SMAD2: variants seen among roughly 807,000 people sequenced by gnomAD.
SMAD2 encodes SMAD family member 2.
Under a neutral mutation model 64.4 loss-of-function variants are expected in SMAD2, and 8 were observed. The observed-to-expected ratio is 0.12, with a 90% CI of 0.07 to 0.22. The LOEUF (loss-of-function observed/expected upper bound fraction) is 0.22. SMAD2 is among the 10% of genes least tolerant of loss of function. The probability of loss-of-function intolerance (pLI) is 1.00; values close to 1 mark genes in which losing one functional copy is unlikely to be tolerated. For synonymous variants in SMAD2, 203 were observed against 195.8 expected (o/e 1.04, Z -0.31); for missense variants, 289 against 561.2 (o/e 0.51, Z 4.90).
rs1226602870 is a variant in SMAD2 at position 47,817,839 on chromosome 18, A to C, written c.*23988T>G. On this transcript the variant is annotated 3_prime_UTR_variant, in exon 11 of 11. Transcript: ENST00000262160. ...TTTGGGCACAGGATGGCTCTTTTAA[A>C]GCCACTAGGGCAATCGCCACCAGTT... 1 of 152,244 alleles carries C rather than the reference A, an allele frequency of 6.6e-6. No homozygotes were observed. The highest frequency in any genetic ancestry group is 1.9e-4 in the East Asian group (1 of 5,202). 9.4% of individuals were successfully genotyped at this position (152,244 alleles called of 1,614,324 possible). A position where few individuals can be genotyped will look rare whatever the true frequency, so the allele number is the denominator to read the frequency against.
intron 1 of SMAD2, among the ~76,000 whole-genome samples, chr18:47,928,003 C>T (rs928040586): frequency 6.6e-6 from 1 of 152,136 alleles, no homozygotes; most frequent in Admixed American, 6.5e-5. Flanking sequence ...CTTTGGAATA[C>T]TTAGGGGAAA....
rs1019056112 is a variant in SMAD2 at position 47,823,193 on chromosome 18, G to C, written c.*18634C>G. On this transcript the variant is annotated 3_prime_UTR_variant, in exon 11 of 11. Transcript: ENST00000262160. Reference sequence around the variant, plus strand: ...AAATTATCATTTCCTGGCAGGCCCAGGAACCTTAAAACTATAGGTAAAATC... The same window carrying C: ...AAATTATCATTTCCTGGCAGGCCCACGAACCTTAAAACTATAGGTAAAATC... 2.6e-5 allele frequency: 4 copies of C among 152,118 alleles called. No individual in the cohort carries two copies. The allele number at this position is 152,118 out of a possible 1,614,324, so 9.4% of individuals were successfully genotyped here.
intron 2 of SMAD2, among the ~76,000 whole-genome samples, chr18:47,872,181 T>C (rs2031975986): frequency 2.6e-5 from 4 of 152,194 alleles, no homozygotes; most frequent in Admixed American, 6.6e-5. Context: ...ATAGGGTATA[T>C]TTAAGCCTCA....
At chr18:47,910,224 A>T (rs942796873) in intron 1 of SMAD2, among the ~76,000 whole-genome samples, 1 of 151,660 alleles carries the variant, frequency 6.6e-6, no homozygotes, top group African/African-American at 2.4e-5. Flanking sequence ...GGATCTTTTT[A>T]GAGAAATTCA....
At chr18:47,874,141 T>C (rs552351149) in intron 2 of SMAD2, among the ~76,000 whole-genome samples, 180 of 152,344 alleles carry the variant, frequency 1.2e-3, no homozygotes, top group African/African-American at 4.2e-3. Flanking sequence ...ATTTGTTTTA[T>C]ATCTATTACA....
rs1461109436 is a variant in SMAD2 at position 47,827,182 on chromosome 18, C to T, written c.*14645G>A. On this transcript the variant is annotated 3_prime_UTR_variant, in exon 11 of 11. Coordinates refer to ENST00000262160, the MANE Select transcript of SMAD2 (RefSeq NM_005901.6). ...GCAATTGAGTTTTCATTCTATTATC[C>T]AAGGTAACTGAAGTATTTGACTGTA... 1 of 152,074 alleles carries T rather than the reference C, an allele frequency of 6.6e-6. No individual in the cohort carries two copies. The highest frequency in any genetic ancestry group is 1.5e-5 in the Non-Finnish European group (1 of 68,012). The allele number at this position is 152,074 out of a possible 1,614,324, so 9.4% of individuals were successfully genotyped here.
At chr18:47,900,542 T>C (rs1209258105) in intron 1 of SMAD2, among the ~76,000 whole-genome samples, 1 of 152,218 alleles carries the variant, frequency 6.6e-6, no homozygotes, top group East Asian at 1.9e-4. Context: ...GTCAATTACA[T>C]TAATCTTTTC....
chr18:47,892,837 A>G (rs1017830308), intron 2 of SMAD2, among the ~76,000 whole-genome samples: 1 of 152,196 alleles, frequency 6.6e-6, no homozygotes, highest in Non-Finnish European at 1.5e-5. Context: ...CCACCTTAGG[A>G]AAGTCCTTTT....
intron 2 of SMAD2, among the ~76,000 whole-genome samples, chr18:47,883,091 T>C (rs1422765200): frequency 2.0e-5 from 3 of 152,222 alleles, no homozygotes; most frequent in Admixed American, 1.3e-4. Context: ...TTATTTCTTC[T>C]TTCTACTTAC....
chr18:47,814,471 G>C lies in SMAD2; in HGVS notation c.*27356C>G, dbSNP rs944141134. ...GTTTTACTCCTAACCATGGATAAGA[G>C]AAACTGAGAATACGATGTGAGAAGA... On this transcript the variant is annotated 3_prime_UTR_variant, in exon 11 of 11. Transcript: ENST00000262160. 6.6e-6 allele frequency: 1 copy of C among 152,216 alleles called. No homozygotes were observed. 9.4% of individuals were successfully genotyped at this position (152,216 alleles called of 1,614,324 possible).
At chr18:47,851,493 G>C (rs781334137) in intron 6 of SMAD2, among the ~76,000 whole-genome samples, 166 bp from the exon 7 acceptor site, 9 of 139,980 alleles carry the variant, frequency 6.4e-5, no homozygotes, top group Non-Finnish European at 1.4e-4. Flanking sequence ...AATTTGTGGG[G>C]GGTCGGGGGA....
intron 2 of SMAD2, among the ~76,000 whole-genome samples, chr18:47,873,260 T>C (rs1009099071): frequency 5.9e-5 from 9 of 152,100 alleles, no homozygotes; most frequent in African/African-American, 2.2e-4. Context: ...ATAAATGTAA[T>C]TAAAACTGTG....
chr18:47,869,177 T>C, intron 4 of SMAD2, 66 bp downstream of exon 4: 3 of 1,149,890 alleles, frequency 2.6e-6, no homozygotes, highest in East Asian at 4.7e-5. Flanking sequence ...GTCACAAGAG[T>C]ACTTAAATAT....
chr18:47,891,602 C>G (rs1197562991), intron 2 of SMAD2, among the ~76,000 whole-genome samples: 1 of 151,542 alleles, frequency 6.6e-6, no homozygotes, highest in Non-Finnish European at 1.5e-5. Flanking sequence ...TCACTGCACA[C>G]TAGCCTGGAA....
Position 47,814,239 on chromosome 18 carries a change from G to C in SMAD2, c.*27588C>G, listed in dbSNP as rs540507371. 6.6e-6 allele frequency: 1 copy of C among 152,290 alleles called. No individual in the cohort carries two copies. The highest frequency in any genetic ancestry group is 2.1e-4 in the South Asian group (1 of 4,814). 9.4% of individuals were successfully genotyped at this position (152,290 alleles called of 1,614,324 possible). A position where few individuals can be genotyped will look rare whatever the true frequency, so the allele number is the denominator to read the frequency against. ...CTGAAGCCTGACAGTCACAGGAAAG[G>C]AGAGGGTGTGTACTAGAGTAACAGC... On this transcript the variant is annotated 3_prime_UTR_variant, in exon 11 of 11. Transcript: ENST00000262160.
chr18:47,925,535 T>C (rs569970091), intron 1 of SMAD2, among the ~76,000 whole-genome samples: 4 of 151,130 alleles, frequency 2.6e-5, no homozygotes, highest in Admixed American at 1.3e-4. Flanking sequence ...CTACATGAAA[T>C]TGCTGAACTG....
rs1228294512 is a variant in SMAD2, at chr18:47,831,195, G to A, written c.*10632C>T. The A allele has an allele frequency of 6.6e-6, 1 of 152,202 alleles. No individual in the cohort carries two copies. Among genetic ancestry groups the A allele is most frequent in the East Asian group, 1.9e-4 (1 of 5,204 alleles). 9.4% of individuals were successfully genotyped at this position (152,202 alleles called of 1,614,324 possible). A position where few individuals can be genotyped will look rare whatever the true frequency, so the allele number is the denominator to read the frequency against. Reference sequence around the variant, plus strand: ...GTGGGCTTCATAGCAGAACCTACCAGGCTTGTGGTTATCAATTTTCTGCTC... The same window carrying A: ...GTGGGCTTCATAGCAGAACCTACCAAGCTTGTGGTTATCAATTTTCTGCTC... On this transcript the variant is annotated 3_prime_UTR_variant, in exon 11 of 11. Coordinates refer to ENST00000262160, the MANE Select transcript of SMAD2 (RefSeq NM_005901.6).
chr18:47,922,146 G>A (rs1039723593), intron 1 of SMAD2, among the ~76,000 whole-genome samples: 8 of 152,074 alleles, frequency 5.3e-5, no homozygotes, highest in African/African-American at 1.9e-4. Context: ...GGAGGGAAGA[G>A]AAATTTCAAA....
intron 5 of SMAD2, among the ~76,000 whole-genome samples, chr18:47,866,045 G>A (rs374258360): frequency 2.2e-4 from 33 of 152,174 alleles, no homozygotes; most frequent in East Asian, 3.9e-4. Flanking sequence ...GGCCAGGCGC[G>A]GTGGCTTATG....
Sources: allele counts gnomAD v4.1 joint callset (sites outside exome capture counted in the v4.1 genomes callset), GRCh38; gene constraint gnomAD v4.1.1; transcripts MANE v1.5; gene names NCBI Gene and HGNC (gene_info 2026-07-23, HGNC 2026-07-21).